EXOC6B: variants seen among roughly 807,000 people sequenced by gnomAD.
The protein encoded by EXOC6B is exocyst complex component 6B, also known as SEC15 homolog B.
EXOC6B carries 54 observed loss-of-function variants against 113.5 expected under a neutral mutation model. That is an observed-to-expected ratio of 0.48 (90% CI 0.38 to 0.60). The LOEUF (loss-of-function observed/expected upper bound fraction) is 0.60, where lower values mean the gene tolerates loss of function less well. EXOC6B is among the 20% of genes least tolerant of loss of function. EXOC6B has a pLI of 0.00. For synonymous variants in EXOC6B, 357 were observed against 339.0 expected, an observed-to-expected ratio of 1.05 and a Z score of -0.58; for missense variants, 797 against 977.5, an observed-to-expected ratio of 0.82 and a Z score of 2.46.
intron 18 of EXOC6B, among the ~76,000 whole-genome samples, chr2:72,382,029 C>T (rs185873490): frequency 1.5e-3 from 235 of 152,092 alleles, no homozygotes; most frequent in Non-Finnish European, 2.9e-3. Flanking sequence ...TCTGATGGGC[C>T]ACACTCTGCA....
intron 6 of EXOC6B, among the ~76,000 whole-genome samples, chr2:72,630,545 C>A (rs1672321220): frequency 6.6e-6 from 1 of 152,136 alleles, no homozygotes; most frequent in Admixed American, 6.6e-5. Context: ...ACCATTTCTA[C>A]CCATGATCAT....
At chr2:72,610,493 T>A (rs1260040959) in intron 6 of EXOC6B, among the ~76,000 whole-genome samples, 1 of 152,122 alleles carries the variant, frequency 6.6e-6, no homozygotes, top group Admixed American at 6.5e-5. Context: ...AAGTAATTGC[T>A]GAAAATATAA....
chr2:72,550,279 G>C (rs1703135373), intron 8 of EXOC6B, among the ~76,000 whole-genome samples: 1 of 152,070 alleles, frequency 6.6e-6, no homozygotes, highest in Non-Finnish European at 1.5e-5. Context: ...TTTGTGACTT[G>C]AGAATGGGAT....
intron 20 of EXOC6B, among the ~76,000 whole-genome samples, chr2:72,286,706 A>G (rs1685448816): frequency 6.6e-6 from 1 of 152,072 alleles, no homozygotes. Context: ...CTCTGGGGGG[A>G]ATACGAATAA....
chr2:72,437,079 G>C (rs1365291574), intron 18 of EXOC6B, among the ~76,000 whole-genome samples: 1 of 152,120 alleles, frequency 6.6e-6, no homozygotes, highest in Non-Finnish European at 1.5e-5. Flanking sequence ...CTTTGCATGG[G>C]GTTTTTCTGT....
At chr2:72,736,964 T>G (rs1316615277) in intron 2 of EXOC6B, among the ~76,000 whole-genome samples, 2 of 152,198 alleles carry the variant, frequency 1.3e-5, no homozygotes, top group Non-Finnish European at 2.9e-5. Context: ...GATACTTTTG[T>G]CCAGCTAAGG....
At chr2:72,824,053 G>A (rs961177674) in intron 1 of EXOC6B, among the ~76,000 whole-genome samples, 2 of 151,958 alleles carry the variant, frequency 1.3e-5, no homozygotes, top group Non-Finnish European at 2.9e-5. Flanking sequence ...GCAACTGTGT[G>A]GAAGAACTGG....
intron 19 of EXOC6B, among the ~76,000 whole-genome samples, chr2:72,366,880 G>C (rs1690656599): frequency 6.6e-6 from 1 of 151,300 alleles, no homozygotes; most frequent in Non-Finnish European, 1.5e-5. Flanking sequence ...AAAGTTTAGA[G>C]AATTTAATAT....
chr2:72,594,415 T>C (rs1044616146), intron 6 of EXOC6B, among the ~76,000 whole-genome samples: 2 of 152,138 alleles, frequency 1.3e-5, no homozygotes, highest in African/African-American at 4.8e-5. Flanking sequence ...AGAGTCAACC[T>C]AGCAAACAAA....
At chr2:72,728,462 C>A (rs998721864) in intron 5 of EXOC6B, among the ~76,000 whole-genome samples, 2 of 152,146 alleles carry the variant, frequency 1.3e-5, no homozygotes, top group Non-Finnish European at 2.9e-5. Context: ...TGGAAACATA[C>A]CAAATGTCCC....
At chr2:72,543,342 T>C (rs962595711) in intron 8 of EXOC6B, among the ~76,000 whole-genome samples, 5 of 152,200 alleles carry the variant, frequency 3.3e-5, no homozygotes, top group African/African-American at 1.2e-4. Flanking sequence ...TACTGGGTGT[T>C]ACATGGAAAA....
At chr2:72,453,535 A>C (rs1697032950) in intron 18 of EXOC6B, among the ~76,000 whole-genome samples, 1 of 152,172 alleles carries the variant, frequency 6.6e-6, no homozygotes, top group Non-Finnish European at 1.5e-5. Flanking sequence ...TTTGTCTTAT[A>C]AAACTTTCAT....
chr2:72,500,824 C>T, intron 11 of EXOC6B, among the ~76,000 whole-genome samples: 1 of 152,120 alleles, frequency 6.6e-6, no homozygotes, highest in Non-Finnish European at 1.5e-5. Context: ...TCATTGGTCT[C>T]TCAAGTCCTG....
chr2:72,647,013 C>T (rs1437007828), intron 6 of EXOC6B, among the ~76,000 whole-genome samples: 1 of 152,182 alleles, frequency 6.6e-6, no homozygotes, highest in Admixed American at 6.5e-5. Context: ...GTCAAGTTGT[C>T]TCTGTTTGCA....
intron 6 of EXOC6B, among the ~76,000 whole-genome samples, chr2:72,692,544 G>C (rs1677568767): frequency 6.6e-6 from 1 of 151,804 alleles, no homozygotes; most frequent in Non-Finnish European, 1.5e-5. Flanking sequence ...GAAGAGACGG[G>C]GTTTCACCAT....
chr2:72,325,070 T>G (rs1296231003), intron 20 of EXOC6B, among the ~76,000 whole-genome samples: 2 of 152,122 alleles, frequency 1.3e-5, no homozygotes, highest in African/African-American at 4.8e-5. Context: ...AAAGGGAATA[T>G]CAAAAGCTAT....
At chr2:72,327,774 CA>C (rs1688210071) in intron 20 of EXOC6B, among the ~76,000 whole-genome samples, 1 of 152,078 alleles carries the variant, frequency 6.6e-6, no homozygotes. Context: ...AGTTCTAGAG[CA>C]GATTCTCCTC....
At chr2:72,483,074 C>G (rs1299698304) in intron 16 of EXOC6B, among the ~76,000 whole-genome samples, 2 of 152,136 alleles carry the variant, frequency 1.3e-5, no homozygotes, top group African/African-American at 2.4e-5. Context: ...TATAAAATTA[C>G]CAAAACAAAC....
intron 20 of EXOC6B, among the ~76,000 whole-genome samples, chr2:72,221,814 G>T (rs1680883246): frequency 6.6e-6 from 1 of 152,170 alleles, no homozygotes; most frequent in Admixed American, 6.5e-5. Context: ...TCAGCTCAGG[G>T]TTTGGGCCCA....
Sources: gnomAD v4.1 joint callset for allele counts (sites outside exome capture counted in the v4.1 genomes callset) on GRCh38, gnomAD v4.1.1 for gene constraint, MANE v1.5 for transcripts, NCBI Gene and HGNC (gene_info 2026-07-23, HGNC 2026-07-21) for gene names.